Variants in FRMPD1 observed in about 807,000 individuals in gnomAD.
FRMPD1 encodes the protein FERM and PDZ domain containing 1.
A neutral mutation model predicts 117.8 loss-of-function variants in FRMPD1; 76 were observed. That is an observed-to-expected ratio of 0.65 (90% CI 0.54 to 0.78). The LOEUF is 0.78. Ranked by LOEUF, FRMPD1 falls within the 30% of genes least tolerant of loss-of-function variation. The probability of loss-of-function intolerance (pLI) is 0.00; values close to 1 mark genes in which losing one functional copy is unlikely to be tolerated. For missense variants in FRMPD1, 1,786 were observed against 1,964.5 expected, an observed-to-expected ratio of 0.91 and a Z score of 1.72; for synonymous variants, 783 against 770.4, an observed-to-expected ratio of 1.02 and a Z score of -0.27.
chr9:37,730,897 G>C (rs1823836514), intron 8 of FRMPD1, 87 bp from the exon 9 acceptor site: 2 of 1,345,216 alleles, frequency 1.5e-6, no homozygotes, highest in Non-Finnish European at 2.1e-6. Flanking sequence ...GTCTTTCACT[G>C]TCTGTGTTTT....
the FRMPD1 span, among the ~76,000 whole-genome samples, chr9:37,615,111 T>C: frequency 6.6e-6 from 1 of 152,098 alleles, no homozygotes; most frequent in African/African-American, 2.4e-5. Flanking sequence ...TTTTCTTTCT[T>C]TCTTTTTTTT....
intron 6 of FRMPD1, among the ~76,000 whole-genome samples, chr9:37,721,453 A>C (rs1163141635): frequency 6.6e-6 from 1 of 152,270 alleles, no homozygotes; most frequent in African/African-American, 2.4e-5. Context: ...AAATACAAAG[A>C]AAAAATATTA....
chr9:37,627,112 C>T, the FRMPD1 span, among the ~76,000 whole-genome samples: 140 of 152,192 alleles, frequency 9.2e-4, no homozygotes, highest in Non-Finnish European at 1.9e-3. Context: ...TCCCATGGTC[C>T]TGCAGAAGCA....
chr9:37,672,977 C>G (rs1453575346), intron 1 of FRMPD1, among the ~76,000 whole-genome samples: 1 of 152,156 alleles, frequency 6.6e-6, no homozygotes, highest in African/African-American at 2.4e-5. Flanking sequence ...ACAGCCAAAC[C>G]ATATCATTCT....
upstream of FRMPD1, among the ~76,000 whole-genome samples, chr9:37,646,740 A>C (rs538173369): frequency 2.0e-5 from 3 of 152,332 alleles, no homozygotes; most frequent in Non-Finnish European, 4.4e-5. Flanking sequence ...TAAAGCTGAA[A>C]TTTGAAGCAG....
Position 37,740,014 on chromosome 9 carries a change from G to A in FRMPD1, c.1550-64G>A. ...TGGCAGGGTTGGGTGGGGGTCAGGG[G>A]GCTAGAAGGACACATAGGTAGGAGA... On this transcript the variant is annotated intron_variant, in intron 14 of 15. Coordinates refer to ENST00000377765, the MANE Select transcript of FRMPD1 (RefSeq NM_014907.3). This position sits in a 1 kb window ranked among gnomAD's most constrained non-coding sequence, Gnocchi z 4.2. The A allele has an allele frequency of 8.0e-7, 1 of 1,255,854 alleles. No homozygotes were observed. 77.8% of individuals were successfully genotyped at this position (1,255,854 alleles called of 1,614,324 possible). A position where few individuals can be genotyped will look rare whatever the true frequency, so the allele number is the denominator to read the frequency against.
At chr9:37,673,848 G>T (rs1243176447) in intron 1 of FRMPD1, among the ~76,000 whole-genome samples, 2 of 152,236 alleles carry the variant, frequency 1.3e-5, no homozygotes, top group Non-Finnish European at 2.9e-5. Context: ...GGGACACAGG[G>T]CACCAAGTCC....
the FRMPD1 span, among the ~76,000 whole-genome samples, chr9:37,610,618 G>A: frequency 1.9e-3 from 261 of 136,290 alleles, 3 homozygotes; most frequent in Non-Finnish European, 3.3e-3. Flanking sequence ...TTTTGAGACA[G>A]CGTTTCTCTC....
intron 7 of FRMPD1, among the ~76,000 whole-genome samples, chr9:37,725,113 C>T (rs1823565273): frequency 6.6e-6 from 1 of 152,198 alleles, no homozygotes; most frequent in African/African-American, 2.4e-5. Flanking sequence ...AAATAGCAAA[C>T]CATCCAGCAG....
chr9:37,734,055 T>C (rs1429985278), intron 12 of FRMPD1, among the ~76,000 whole-genome samples: 5 of 152,182 alleles, frequency 3.3e-5, no homozygotes, highest in African/African-American at 1.2e-4. Context: ...ATTTCCGTCC[T>C]TGAAGGATGA....
the FRMPD1 span, among the ~76,000 whole-genome samples, chr9:37,622,545 G>A: frequency 6.6e-6 from 1 of 152,208 alleles, no homozygotes; most frequent in African/African-American, 2.4e-5. Context: ...CTGTCCAGAA[G>A]CGTTTCTGCT....
chr9:37,741,965 C>G (rs920851782), intron 15 of FRMPD1, among the ~76,000 whole-genome samples: 1 of 152,222 alleles, frequency 6.6e-6, no homozygotes, highest in South Asian at 2.1e-4. Flanking sequence ...CATGTTCTTG[C>G]ATTACCTGGG....
At chr9:37,707,764 C>T (rs1822766844) in intron 3 of FRMPD1, among the ~76,000 whole-genome samples, 191 bp downstream of exon 3, 1 of 152,264 alleles carries the variant, frequency 6.6e-6, no homozygotes, top group Non-Finnish European at 1.5e-5. Flanking sequence ...CTCAAGTGCA[C>T]TTGCCGCTCC....
intron 5 of FRMPD1, chr9:37,715,538 A>G (rs898946961): frequency 1.9e-5 from 8 of 426,256 alleles, no homozygotes; most frequent in African/African-American, 1.4e-4. Flanking sequence ...AGCGAAAAAC[A>G]TGCACAAAGA....
chr9:37,729,028 GCAGT>G (rs1294708646), intron 7 of FRMPD1, among the ~76,000 whole-genome samples: 3 of 150,910 alleles, frequency 2.0e-5, no homozygotes, highest in Non-Finnish European at 2.9e-5. Flanking sequence ...TGTCTAGTAA[GCAGT>G]CAAAGATACA....
chr9:37,680,313 G>A (rs765079685), intron 1 of FRMPD1, among the ~76,000 whole-genome samples: 11 of 152,174 alleles, frequency 7.2e-5, no homozygotes, highest in African/African-American at 2.7e-4. Context: ...TGTACCACAC[G>A]ACACTCAAGA....
the FRMPD1 span, among the ~76,000 whole-genome samples, chr9:37,632,006 C>T: frequency 1.3e-5 from 2 of 152,106 alleles, no homozygotes; most frequent in African/African-American, 4.8e-5. Flanking sequence ...AATACATATA[C>T]TGGTCATAAA....
At chr9:37,711,455 TC>T (rs1563943499) in intron 5 of FRMPD1, 60 bp downstream of exon 5, 1 of 1,247,912 alleles carries the variant, frequency 8.0e-7, no homozygotes, top group Non-Finnish European at 1.2e-6. Context: ...AAGACCCTGT[TC>T]CCCCAGAGGA....
the FRMPD1 span, among the ~76,000 whole-genome samples, chr9:37,636,202 G>C: frequency 6.6e-6 from 1 of 152,168 alleles, no homozygotes; most frequent in Non-Finnish European, 1.5e-5. Flanking sequence ...TGGCCTCCAT[G>C]GCTGTCCTGA....
Sources: allele counts gnomAD v4.1 joint callset (sites outside exome capture counted in the v4.1 genomes callset), GRCh38; gene constraint gnomAD v4.1.1; non-coding constraint Gnocchi (gnomAD v3.1); transcripts MANE v1.5; gene names NCBI Gene and HGNC (gene_info 2026-07-23, HGNC 2026-07-21).